Variants in ATXN7L1 observed in about 807,000 individuals in gnomAD.
ATXN7L1 encodes ataxin-7-like protein 1.
In ATXN7L1, 15 loss-of-function variants were observed where a neutral mutation model predicts 70.8. That is an observed-to-expected ratio of 0.21 (90% CI 0.14 to 0.33). ATXN7L1 has a LOEUF of 0.33. Among genes scored for constraint, ATXN7L1 ranks in the 10% least tolerant of loss-of-function variants. The probability of loss-of-function intolerance (pLI) is 1.00; values close to 1 mark genes in which losing one functional copy is unlikely to be tolerated. For missense variants in ATXN7L1, 975 were observed against 1,097.1 expected, an observed-to-expected ratio of 0.89 and a Z score of 1.57; for synonymous variants, 440 against 445.1, an observed-to-expected ratio of 0.99 and a Z score of 0.14.
chr7:105,833,807 T>C (rs1180565600), intron 2 of ATXN7L1, among the ~76,000 whole-genome samples: 1 of 152,206 alleles, frequency 6.6e-6, no homozygotes, highest in Admixed American at 6.5e-5. Context: ...CATTATTGGA[T>C]GAAGAAGAGG....
intron 2 of ATXN7L1, among the ~76,000 whole-genome samples, chr7:105,826,159 G>A (rs963199755): frequency 2.6e-5 from 4 of 152,226 alleles, no homozygotes; most frequent in Admixed American, 6.5e-5. Flanking sequence ...CAGGGCAAGG[G>A]ACTGCTATTG....
chr7:105,767,387 C>T (rs918431263), intron 3 of ATXN7L1, among the ~76,000 whole-genome samples: 3 of 152,138 alleles, frequency 2.0e-5, no homozygotes, highest in African/African-American at 4.8e-5. Flanking sequence ...CATCCAGCTA[C>T]GATCCTTGCT....
intron 2 of ATXN7L1, among the ~76,000 whole-genome samples, chr7:105,850,990 A>G (rs1814796464): frequency 6.6e-6 from 1 of 151,932 alleles, no homozygotes; most frequent in South Asian, 2.1e-4. Flanking sequence ...TCACCTAGAC[A>G]CTTCCAAACT....
intron 8 of ATXN7L1, among the ~76,000 whole-genome samples, chr7:105,622,654 C>T (rs1380577921): frequency 6.6e-6 from 1 of 152,214 alleles, no homozygotes; most frequent in Non-Finnish European, 1.5e-5. Context: ...TGGCTGGTTC[C>T]TCCTGCGTCA....
intron 2 of ATXN7L1, among the ~76,000 whole-genome samples, chr7:105,800,287 C>T (rs35022646): frequency 0.19 from 28,301 of 152,166 alleles, 3,260 homozygotes; most frequent in South Asian, 0.41. Flanking sequence ...GCTTCAGTTT[C>T]CACCAAATCC....
At chr7:105,811,767 T>C (rs984630752) in intron 2 of ATXN7L1, among the ~76,000 whole-genome samples, 5 of 152,108 alleles carry the variant, frequency 3.3e-5, no homozygotes, top group African/African-American at 7.2e-5. Flanking sequence ...GGACTCTGAG[T>C]TGGAGCAGCC....
intron 2 of ATXN7L1, among the ~76,000 whole-genome samples, chr7:105,869,930 T>G (rs562286604): frequency 6.6e-5 from 10 of 152,324 alleles, no homozygotes. Context: ...AGCCTAAGTA[T>G]TATTCGACAG....
intron 3 of ATXN7L1, among the ~76,000 whole-genome samples, chr7:105,779,003 A>G (rs1367261253): frequency 6.6e-6 from 1 of 152,232 alleles, no homozygotes; most frequent in Non-Finnish European, 1.5e-5. Context: ...ACCTGCCCCA[A>G]GCACCTGTTA....
chr7:105,677,110 T>C (rs867796538), intron 3 of ATXN7L1, among the ~76,000 whole-genome samples: 77 of 152,192 alleles, frequency 5.1e-4, no homozygotes, highest in African/African-American at 1.8e-3. Flanking sequence ...GAACACACAG[T>C]GCAGCAGCCA....
intron 7 of ATXN7L1, among the ~76,000 whole-genome samples, chr7:105,633,664 G>A (rs966091439): frequency 6.6e-6 from 1 of 152,152 alleles, no homozygotes; most frequent in Non-Finnish European, 1.5e-5. Flanking sequence ...AGGTTGCCAT[G>A]AGCCGAGATC....
At chr7:105,735,889 C>G (rs767492131) in intron 3 of ATXN7L1, among the ~76,000 whole-genome samples, 1 of 152,132 alleles carries the variant, frequency 6.6e-6, no homozygotes, top group Non-Finnish European at 1.5e-5. Context: ...CAAGCCTAAG[C>G]CACCAATCCA....
chr7:105,699,264 C>G lies in ATXN7L1; in HGVS notation c.356-33976G>C, dbSNP rs552430315. Among the ~76,000 whole-genome samples, 8 of 152,246 alleles carry G rather than the reference C, an allele frequency of 5.3e-5. No homozygotes were observed. The East Asian group carries it at 1.5e-3, about 29-fold the overall frequency. ...TCTCCTTCCTCAGCCTCCCAACTAG[C>G]TGGGATTACAGGCATGCACCATCAC... On this transcript the variant is annotated intron_variant, in intron 3 of 11. Coordinates refer to ENST00000419735, the MANE Select transcript of ATXN7L1 (RefSeq NM_020725.2).
At chr7:105,694,050 C>CTTTT (rs34797129) in intron 3 of ATXN7L1, among the ~76,000 whole-genome samples, 20 of 139,386 alleles carry the variant, frequency 1.4e-4, no homozygotes, top group Admixed American at 1.1e-3. Context: ...AGAAGTGAGC[C>CTTTT]TTTTTTTTTT....
In ATXN7L1 at chr7:105,614,391, T is replaced by G. The variant is rs1205457750; in HGVS notation, c.1943A>C (p.Gln648Pro). The change falls in exon 10 of 12, where the codon CAG (glutamine) becomes CCG (proline). Residue 648 changes from glutamine (Q) to proline (P), a missense_variant. This residue lies in a region of ATXN7L1 where 635 missense variants were observed against 699.4 expected (regional missense o/e 0.91). Transcript: ENST00000419735. This position sits in a 1 kb window ranked among gnomAD's most constrained non-coding sequence, Gnocchi z 4.3. Reference sequence around the variant, plus strand: ...GGAGGAGGAGGAGGAAGTCGAAGACTGTGGCTTCCTTTTTTTGTTACTTGG... The same window carrying G: ...GGAGGAGGAGGAGGAAGTCGAAGACGGTGGCTTCCTTTTTTTGTTACTTGG... ...ESPSNKKRKP[Q>P]SSTSSSSSSS... 6.4e-7 allele frequency: 1 copy of G among 1,551,858 alleles called. No homozygotes were observed. The highest frequency in any genetic ancestry group is 2.4e-5 in the East Asian group (1 of 40,930).
intron 3 of ATXN7L1, among the ~76,000 whole-genome samples, chr7:105,689,619 C>A (rs370023564): frequency 6.6e-6 from 1 of 152,124 alleles, no homozygotes; most frequent in Admixed American, 6.5e-5. Flanking sequence ...GAAGGTGGGC[C>A]GAAAGTCCTC....
chr7:105,731,718 A>G (rs1031072489), intron 3 of ATXN7L1, among the ~76,000 whole-genome samples: 2 of 127,434 alleles, frequency 1.6e-5, no homozygotes, highest in Non-Finnish European at 3.3e-5. Context: ...TATAGGCGTG[A>G]GCCACTGCAC....
chr7:105,770,047 C>T (rs1242098685), intron 3 of ATXN7L1, among the ~76,000 whole-genome samples: 3 of 152,252 alleles, frequency 2.0e-5, no homozygotes, highest in Admixed American at 6.5e-5. Flanking sequence ...ACCAGAAACA[C>T]GTGCACTGCA....
intron 2 of ATXN7L1, among the ~76,000 whole-genome samples, chr7:105,821,101 G>A (rs185747644): frequency 1.8e-3 from 277 of 152,288 alleles, no homozygotes; most frequent in African/African-American, 6.4e-3. Flanking sequence ...GTGCGATGGC[G>A]TGATCTCTGT....
chr7:105,700,249 T>C (rs990417399), intron 3 of ATXN7L1, among the ~76,000 whole-genome samples: 11 of 152,130 alleles, frequency 7.2e-5, no homozygotes, highest in Non-Finnish European at 1.3e-4. Context: ...CTCATGTCTG[T>C]AATCCCAACA....
Sources: allele counts gnomAD v4.1 joint callset (sites outside exome capture counted in the v4.1 genomes callset), GRCh38; gene constraint gnomAD v4.1.1; regional missense constraint gnomAD v4.1.1; non-coding constraint Gnocchi (gnomAD v3.1); transcripts MANE v1.5; gene names NCBI Gene and HGNC (gene_info 2026-07-23, HGNC 2026-07-21).